WDPCP: variants seen among roughly 807,000 people sequenced by gnomAD.
The protein encoded by WDPCP is WD repeat containing planar cell polarity effector, also known as WD repeat-containing and planar cell polarity effector protein fritz homolog.
WDPCP carries 71 observed loss-of-function variants against 93.1 expected under a neutral mutation model. The ratio of observed to expected loss-of-function variants is 0.76; its 90% confidence interval spans 0.63 to 0.93. The LOEUF (loss-of-function observed/expected upper bound fraction) is 0.93, where lower values mean the gene tolerates loss of function less well. Among genes scored for constraint, WDPCP ranks in the 40% least tolerant of loss-of-function variants. WDPCP has a pLI of 0.00. For synonymous variants in WDPCP, 315 were observed against 315.0 expected (o/e 1.00, Z 0.00); for missense variants, 844 against 887.4 (o/e 0.95, Z 0.62).
rs55670342 is a variant in WDPCP at position 63,131,833 on chromosome 2, CTT to C, written c.2191-9779_2191-9778del. On this transcript the variant is annotated intron_variant, in intron 17 of 17. Transcript: ENST00000272321. The stretch of plus-strand genomic sequence containing the variant: ...GGACAGTTTTGCTAGATACAGTATT[CTT>C]TTTTTTTTTTTTTTTTTTGAGATGG... Among the ~76,000 whole-genome samples, 859 of 107,712 alleles carry C rather than the reference CTT, an allele frequency of 8.0e-3. 7 individuals are homozygous for C. Among genetic ancestry groups the C allele is most frequent in the African/African-American group, 0.026 (735 of 27,800 alleles). The allele number at this position is 107,712 out of a possible 152,430, so 70.7% of individuals were successfully genotyped here. A position where few individuals can be genotyped will look rare whatever the true frequency, so the allele number is the denominator to read the frequency against.
chr2:63,766,451 T>C (rs1225741059), intron 2 of WDPCP, among the ~76,000 whole-genome samples: 1 of 152,000 alleles, frequency 6.6e-6, no homozygotes, highest in African/African-American at 2.4e-5. Flanking sequence ...CACCTCAGCC[T>C]TCCATTTAGC....
At chr2:63,542,100 T>C (rs1365416092) in intron 1 of WDPCP, among the ~76,000 whole-genome samples, 1 of 152,154 alleles carries the variant, frequency 6.6e-6, no homozygotes, top group Non-Finnish European at 1.5e-5. Context: ...AGCAATATCT[T>C]GGACGGGGTT....
rs796841914 is a variant in WDPCP at position 63,807,500 on chromosome 2, T to C, written n.308+6122A>G. Among the ~76,000 whole-genome samples the C allele has an allele frequency of 4.7e-4, 72 of 152,324 alleles. 1 individual carries two copies. Among genetic ancestry groups the C allele is most frequent in the African/African-American group, 1.6e-3 (68 of 41,562 alleles). On this transcript the variant is annotated intron_variant and non_coding_transcript_variant, in intron 2 of 4. Transcript: ENST00000467687. ...AGATACTGGCACCACGCTTCTTATA[T>C]ATCCTGCAGAACCATGAGCCAATCA...
intron 14 of WDPCP, among the ~76,000 whole-genome samples, chr2:63,246,477 G>A (rs1680282975): frequency 6.6e-6 from 1 of 152,094 alleles, no homozygotes; most frequent in Non-Finnish European, 1.5e-5. Context: ...ATGTGACCAG[G>A]GTGGGTATCC....
chr2:63,629,891 A>T (rs7565881), intron 3 of WDPCP, among the ~76,000 whole-genome samples: 2,016 of 152,350 alleles, frequency 0.013, 44 homozygotes, highest in African/African-American at 0.046. Context: ...CCAGATTTCC[A>T]TTGAAAATTA....
Position 63,787,028 on chromosome 2 carries a change from G to A in WDPCP, n.308+26594C>T, listed in dbSNP as rs149390682. Among the ~76,000 whole-genome samples the A allele has an allele frequency of 3.3e-5, 5 of 152,256 alleles. No individual in the cohort carries two copies. The East Asian group carries it at 5.8e-4, about 18-fold the overall frequency. On this transcript the variant is annotated intron_variant and non_coding_transcript_variant, in intron 2 of 4. Transcript: ENST00000467687. ...CTATTTCTAGAAGGTTCTTACATTCGTTGATCATGACAATTCTAACCCTCT... is the reference window on the plus strand; with the variant it reads ...CTATTTCTAGAAGGTTCTTACATTCATTGATCATGACAATTCTAACCCTCT...
At chr2:63,437,342 T>C in intron 8 of WDPCP, 79 bp downstream of exon 8, 2 of 1,142,964 alleles carry the variant, frequency 1.7e-6, no homozygotes, top group Admixed American at 2.5e-5. Context: ...TGAAGAATAA[T>C]GAGCAGAATA....
intron 13 of WDPCP, among the ~76,000 whole-genome samples, chr2:63,296,478 TC>T (rs1684867094): frequency 6.6e-6 from 1 of 152,088 alleles, no homozygotes; most frequent in Non-Finnish European, 1.5e-5. Context: ...ATAAAACGTA[TC>T]CAACTAGGAA....
chr2:63,615,323 G>A (rs1327604561), intron 3 of WDPCP, among the ~76,000 whole-genome samples: 4 of 152,068 alleles, frequency 2.6e-5, no homozygotes, highest in Non-Finnish European at 5.9e-5. Context: ...GCCTGCAGCC[G>A]CACCAACAAA....
At chr2:63,281,326 T>TA (rs919311321) in intron 13 of WDPCP, among the ~76,000 whole-genome samples, 3 of 152,038 alleles carry the variant, frequency 2.0e-5, no homozygotes, top group African/African-American at 7.2e-5. Flanking sequence ...AAGAATTTTT[T>TA]AAAAAAATGT....
chr2:63,204,477 G>A (rs1168877532), intron 14 of WDPCP, among the ~76,000 whole-genome samples: 3 of 151,694 alleles, frequency 2.0e-5, no homozygotes, highest in Non-Finnish European at 4.4e-5. Flanking sequence ...GAGTAGCTGG[G>A]ATTACAGGCA....
At chr2:63,806,284 T>G (rs1215618480) in intron 2 of WDPCP, among the ~76,000 whole-genome samples, 1 of 152,106 alleles carries the variant, frequency 6.6e-6, no homozygotes. Context: ...GGACATCACA[T>G]GTCGGTAGGT....
intron 10 of WDPCP, among the ~76,000 whole-genome samples, chr2:63,391,008 G>C (rs574804666): frequency 4.2e-4 from 64 of 152,208 alleles, no homozygotes; most frequent in Admixed American, 8.5e-4. Context: ...CCAATCAATA[G>C]AAAAAGAGGG....
At chr2:63,724,964 G>T (rs1418904361) in intron 2 of WDPCP, among the ~76,000 whole-genome samples, 9 of 152,052 alleles carry the variant, frequency 5.9e-5, no homozygotes, top group Non-Finnish European at 1.3e-4. Context: ...TTCTCCTACG[G>T]GATTTTAAAA....
intron 1 of WDPCP, among the ~76,000 whole-genome samples, chr2:63,515,161 A>C (rs1702473634): frequency 6.6e-6 from 1 of 152,186 alleles, no homozygotes; most frequent in Non-Finnish European, 1.5e-5. Context: ...TAATATATTT[A>C]TAAATTAAAA....
At chr2:63,822,842 C>A (rs1671043115) in intron 1 of WDPCP, among the ~76,000 whole-genome samples, 1 of 151,350 alleles carries the variant, frequency 6.6e-6, no homozygotes, top group Admixed American at 6.6e-5. Context: ...CAGAGTGAGA[C>A]CTTGTCTCTA....
chr2:63,421,217 T>C (rs1695834015), intron 9 of WDPCP, among the ~76,000 whole-genome samples: 1 of 152,174 alleles, frequency 6.6e-6, no homozygotes, highest in African/African-American at 2.4e-5. Context: ...ATAAATGTCT[T>C]ACCAGAATAA....
At chr2:63,149,908 G>C (rs1671777078) in intron 17 of WDPCP, among the ~76,000 whole-genome samples, 1 of 152,118 alleles carries the variant, frequency 6.6e-6, no homozygotes, top group Non-Finnish European at 1.5e-5. Flanking sequence ...GGCTGAGGTG[G>C]GATGACTGCT....
chr2:63,684,582 A>C, intron 2 of WDPCP: 1 of 716,744 alleles, frequency 1.4e-6, no homozygotes, highest in Non-Finnish European at 2.6e-6. Flanking sequence ...CCCTTGAACA[A>C]AACTGTCATC....
Sources: allele counts gnomAD v4.1 joint callset (sites outside exome capture counted in the v4.1 genomes callset), GRCh38; gene constraint gnomAD v4.1.1; transcripts MANE v1.5; gene names NCBI Gene and HGNC (gene_info 2026-07-23, HGNC 2026-07-21).